ABCB5: variants seen among roughly 807,000 people sequenced by gnomAD.
The protein encoded by ABCB5 is ATP binding cassette subfamily B member 5.
ABCB5 carries 155 observed loss-of-function variants against 144.2 expected under a neutral mutation model. The observed-to-expected ratio is 1.08, with a 90% CI of 0.94 to 1.23. ABCB5 has a LOEUF of 1.23. Ranked by LOEUF, ABCB5 falls within the 50% of genes most tolerant of loss-of-function variation. The probability of loss-of-function intolerance (pLI) is 0.00; values close to 1 mark genes in which losing one functional copy is unlikely to be tolerated. For synonymous variants in ABCB5, 610 were observed against 528.6 expected (o/e 1.15, Z -2.11); for missense variants, 1,830 against 1,520.8 (o/e 1.20, Z -3.38).
At position 20,700,150 on chromosome 7, in the gene ABCB5, GATT is replaced by G. The variant is rs1301970422; in HGVS notation, c.2337+16_2337+18del. 6.9e-7 allele frequency: 1 copy of G among 1,454,464 alleles called. No individual in the cohort carries two copies. The highest frequency in any genetic ancestry group is 9.0e-7 in the Non-Finnish European group (1 of 1,105,470). The allele number at this position is 1,454,464 out of a possible 1,614,324, so 90.1% of individuals were successfully genotyped here. On this transcript the variant is annotated intron_variant, in intron 19 of 27. Transcript: ENST00000404938. ...TGTTATATCAGGTCAGTGATAAGTT[GATT>G]TTTTTTTTATTTTATTTAAAATTTA...
At chr7:20,660,325 C>T (rs1784964008) in intron 14 of ABCB5, 2 of 984,936 alleles carry the variant, frequency 2.0e-6, no homozygotes, top group South Asian at 4.7e-5. Context: ...TAACTTATTT[C>T]AAAAATTCAT....
intron 18 of ABCB5, 32 bp downstream of exon 18, chr7:20,699,961 T>A: frequency 6.3e-7 from 1 of 1,599,400 alleles, no homozygotes; most frequent in Non-Finnish European, 8.6e-7. Flanking sequence ...CTGAGCATGA[T>A]TACTTTTTGT....
chr7:20,686,335 C>T (rs185920388), intron 16 of ABCB5, among the ~76,000 whole-genome samples: 2 of 152,276 alleles, frequency 1.3e-5, no homozygotes, highest in Admixed American at 1.3e-4. Context: ...ACCCCCAAAG[C>T]CCCAGGCTCT....
intron 5 of ABCB5, among the ~76,000 whole-genome samples, chr7:20,637,870 T>C (rs1376966834): frequency 6.6e-6 from 1 of 152,198 alleles, no homozygotes; most frequent in African/African-American, 2.4e-5. Flanking sequence ...GCTCAATAAA[T>C]GAAGCCATTA....
At chr7:20,727,553 G>C (rs975706551) in intron 22 of ABCB5, among the ~76,000 whole-genome samples, 1 of 152,144 alleles carries the variant, frequency 6.6e-6, no homozygotes, top group African/African-American at 2.4e-5. Flanking sequence ...TGGACAACAT[G>C]ATGAAACCCC....
intron 26 of ABCB5, among the ~76,000 whole-genome samples, chr7:20,750,340 G>A (rs754121433): frequency 1.4e-4 from 21 of 151,128 alleles, no homozygotes; most frequent in Non-Finnish European, 2.7e-4. Flanking sequence ...CAGCCTCATG[G>A]AATAAAACAC....
chr7:20,683,855 T>C (rs1206294280), intron 15 of ABCB5, among the ~76,000 whole-genome samples: 1 of 152,262 alleles, frequency 6.6e-6, no homozygotes, highest in Non-Finnish European at 1.5e-5. Flanking sequence ...ATTTTGATAA[T>C]TCGTGATTAT....
intron 14 of ABCB5, among the ~76,000 whole-genome samples, chr7:20,673,781 TATTAA>T (rs1365043983): frequency 6.6e-6 from 1 of 152,030 alleles, no homozygotes; most frequent in Non-Finnish European, 1.5e-5. Context: ...GATAGTATAT[TATTAA>T]ATTAAATCAG....
chr7:20,649,732 ATT>A (rs1784520843), intron 11 of ABCB5, among the ~76,000 whole-genome samples: 2 of 152,216 alleles, frequency 1.3e-5, no homozygotes, highest in Non-Finnish European at 2.9e-5. Context: ...GATAGTCAAA[ATT>A]CATATAAAAT....
At chr7:20,704,846 T>C (rs1419377035) in intron 20 of ABCB5, 39 bp downstream of exon 20, 9 of 1,525,246 alleles carry the variant, frequency 5.9e-6, no homozygotes, top group Non-Finnish European at 8.2e-6. Context: ...TGTATGTATG[T>C]GGTGTGCACA....
At chr7:20,653,446 A>T (rs1055443789) in intron 13 of ABCB5, among the ~76,000 whole-genome samples, 1 of 152,244 alleles carries the variant, frequency 6.6e-6, no homozygotes, top group Non-Finnish European at 1.5e-5. Flanking sequence ...CTTATAATAT[A>T]CACAGATTTT....
At chr7:20,721,213 G>C (rs1457618613) in intron 20 of ABCB5, among the ~76,000 whole-genome samples, 3 of 152,144 alleles carry the variant, frequency 2.0e-5, no homozygotes, top group South Asian at 2.1e-4. Flanking sequence ...GGATGATAGA[G>C]TATCAGGTCA....
At chr7:20,629,859 T>G (rs547027411) in intron 4 of ABCB5, among the ~76,000 whole-genome samples, 1 of 151,720 alleles carries the variant, frequency 6.6e-6, no homozygotes, top group Admixed American at 6.6e-5. Context: ...TTTTTGGGGG[T>G]TTTTTGGTAG....
intron 14 of ABCB5, chr7:20,667,550 A>G (rs1463768503): frequency 3.1e-6 from 3 of 975,894 alleles, no homozygotes; most frequent in Non-Finnish European, 3.7e-6. Flanking sequence ...TAAATTCCAT[A>G]CACATTAATT....
At chr7:20,653,247 T>C (rs1289700806) in intron 13 of ABCB5, among the ~76,000 whole-genome samples, 1 of 152,160 alleles carries the variant, frequency 6.6e-6, no homozygotes, top group African/African-American at 2.4e-5. Flanking sequence ...AATCTAATAA[T>C]AAATTCAGAA....
intron 23 of ABCB5, among the ~76,000 whole-genome samples, chr7:20,732,196 C>T (rs906213230): frequency 1.3e-5 from 2 of 152,166 alleles, no homozygotes; most frequent in African/African-American, 4.8e-5. Context: ...CTATTCTCTG[C>T]CTGGAATGGT....
intron 23 of ABCB5, among the ~76,000 whole-genome samples, chr7:20,733,832 A>T (rs967883106): frequency 1.3e-5 from 2 of 151,696 alleles, no homozygotes; most frequent in Admixed American, 6.6e-5. Context: ...TGGAGACCAG[A>T]TTTCACCATG....
At chr7:20,730,732 A>C (rs965684074) in intron 23 of ABCB5, among the ~76,000 whole-genome samples, 1 of 152,170 alleles carries the variant, frequency 6.6e-6, no homozygotes, top group Non-Finnish European at 1.5e-5. Flanking sequence ...CCCGTGAGCC[A>C]GTTTTTCCTT....
rs1785829315 is a variant in ABCB5, at chr7:20,681,561, T to C, written c.1764T>C (p.Ser588=). 7 of 1,614,086 alleles carry C rather than the reference T, an allele frequency of 4.3e-6. No homozygotes were observed. Among genetic ancestry groups the C allele is most frequent in the Non-Finnish European group, 5.9e-6 (7 of 1,180,040 alleles). Residue 588 remains serine (S), a synonymous_variant, in exon 15 of 28, where the codon AGT becomes AGC. Transcript: ENST00000404938. The part of the protein sequence containing the change: ...VVAHRLSTIR[S]ADLIVTLKDG... Reference sequence around the variant, plus strand: ...CACACCGACTTTCTACTATTCGAAGTGCAGATTTGATTGTGACCCTAAAGG... The same window carrying C: ...CACACCGACTTTCTACTATTCGAAGCGCAGATTTGATTGTGACCCTAAAGG...
Sources: gnomAD v4.1 joint callset for allele counts (sites outside exome capture counted in the v4.1 genomes callset) on GRCh38, gnomAD v4.1.1 for gene constraint, MANE v1.5 for transcripts, NCBI Gene and HGNC (gene_info 2026-07-23, HGNC 2026-07-21) for gene names.